Variants in THBS4 observed in about 807,000 individuals in gnomAD.
The protein encoded by THBS4 is thrombospondin 4, also known as thrombospondin-4.
In THBS4, 90 loss-of-function variants were observed where a neutral mutation model predicts 115.7. The observed-to-expected ratio is 0.78, with a 90% CI of 0.66 to 0.93. The LOEUF (loss-of-function observed/expected upper bound fraction) is 0.93, where lower values mean the gene tolerates loss of function less well. THBS4 is among the 40% of genes least tolerant of loss of function. THBS4 has a pLI of 0.00. For missense variants in THBS4, 1,087 were observed against 1,232.7 expected (o/e 0.88, Z 1.77); for synonymous variants, 460 against 479.3 (o/e 0.96, Z 0.53).
intron 4 of THBS4, 140 bp from the exon 5 acceptor site, chr5:80,058,568 A>C: frequency 1.3e-6 from 1 of 758,404 alleles, no homozygotes; most frequent in Non-Finnish European, 2.3e-6. Flanking sequence ...AATTAAAGAA[A>C]TTACCCCAAA....
upstream of THBS4, among the ~76,000 whole-genome samples, chr5:80,032,484 G>A (rs1832604942): frequency 6.6e-6 from 1 of 152,172 alleles, no homozygotes; most frequent in South Asian, 2.1e-4. Flanking sequence ...ATCACAAGAT[G>A]AAGTCCCACA....
intron 2 of THBS4, among the ~76,000 whole-genome samples, chr5:80,053,406 CT>C (rs5869016): frequency 0.55 from 79,071 of 144,546 alleles, 21,428 homozygotes; most frequent in African/African-American, 0.63. Context: ...CTTGGTGCTG[CT>C]TTTTTTTTTT....
At chr5:80,027,153 C>G (rs1486419115) in intron 2 of THBS4, among the ~76,000 whole-genome samples, 5 of 152,176 alleles carry the variant, frequency 3.3e-5, no homozygotes, top group African/African-American at 1.2e-4. Context: ...CTGAAGAAAA[C>G]AGATTGTTAC....
intron 2 of THBS4, among the ~76,000 whole-genome samples, chr5:80,018,224 A>G (rs1832287793): frequency 6.6e-6 from 1 of 151,550 alleles, no homozygotes. Context: ...TTTTTCTCTT[A>G]TTATATTTTG....
At chr5:80,068,455 C>G (rs756296784) in intron 10 of THBS4, 20 of 277,162 alleles carry the variant, frequency 7.2e-5, no homozygotes, top group Admixed American at 1.5e-4. Flanking sequence ...GGTGAAGGAA[C>G]ATTCTTCTCC....
intron 2 of THBS4, among the ~76,000 whole-genome samples, chr5:80,010,995 C>T (rs914154870): frequency 2.6e-5 from 4 of 152,168 alleles, no homozygotes; most frequent in Admixed American, 6.5e-5. Flanking sequence ...GGCTGTGTCC[C>T]CACCCCAATC....
chr5:80,015,462 T>C (rs748242374), intron 2 of THBS4, among the ~76,000 whole-genome samples: 9 of 152,180 alleles, frequency 5.9e-5, no homozygotes, highest in Non-Finnish European at 1.3e-4. Flanking sequence ...CTGTCTCACC[T>C]TTGAGGGCAG....
In THBS4 at chr5:80,055,994, G is replaced by A. The variant is rs780799770; in HGVS notation, c.502G>A (p.Glu168Lys). 1 of 1,613,476 alleles carries A rather than the reference G, an allele frequency of 6.2e-7. No individual in the cohort carries two copies. The highest frequency in any genetic ancestry group is 8.5e-7 in the Non-Finnish European group (1 of 1,179,546). ...CTTTGCTGGCCCCTCCCAGAAACCT[G>A]AGACCATTGAATTGAGGACTTTCCA... ...RAFAGPSQKP[E>K]TIELRTFQRK... The change falls in exon 3 of 22, where the codon GAG (glutamate) becomes AAG (lysine). Residue 168 changes from glutamate to lysine, a missense_variant. By Grantham distance (56) the Glu-to-Lys change is moderately conservative. Transcript: ENST00000350881.
At chr5:80,016,284 C>T (rs1276402808) in intron 2 of THBS4, among the ~76,000 whole-genome samples, 1 of 152,224 alleles carries the variant, frequency 6.6e-6, no homozygotes, top group Non-Finnish European at 1.5e-5. Context: ...ATGTGCTCAG[C>T]TGGCAAAGGG....
chr5:80,024,559 T>C (rs751918959), intron 2 of THBS4, among the ~76,000 whole-genome samples: 2 of 152,284 alleles, frequency 1.3e-5, no homozygotes, highest in South Asian at 4.2e-4. Flanking sequence ...AGTAAGTGGC[T>C]GGGCCAGGTT....
Position 80,060,001 on chromosome 5 carries a change from T to G in THBS4, c.987+96T>G, listed in dbSNP as rs190888215. The stretch of plus-strand genomic sequence containing the variant: ...GCCAAGCTGATGATTAAGGGCTGAC[T>G]TGGGCTGTCCTCCAGGCTCCATTGA... On this transcript the variant is annotated intron_variant, in intron 7 of 21. Coordinates refer to ENST00000350881, the MANE Select transcript of THBS4 (RefSeq NM_003248.6). 3.8e-5 allele frequency: 47 copies of G among 1,247,010 alleles called. No homozygotes were observed. The Admixed American group carries it at 4.3e-4, about 11-fold the overall frequency. 77.2% of individuals were successfully genotyped at this position (1,247,010 alleles called of 1,614,324 possible).
intron 17 of THBS4, among the ~76,000 whole-genome samples, chr5:80,078,602 T>C (rs1743335667): frequency 6.6e-6 from 1 of 152,188 alleles, no homozygotes; most frequent in South Asian, 2.1e-4. Flanking sequence ...CTTAGTAGAT[T>C]TTCCAGAGTC....
chr5:80,081,016 TG>T (rs1743479309), intron 20 of THBS4, among the ~76,000 whole-genome samples: 2 of 152,210 alleles, frequency 1.3e-5, no homozygotes, highest in Non-Finnish European at 2.9e-5. Flanking sequence ...TTTTTGTTGT[TG>T]TTTTTTAAGT....
chr5:80,068,056 C>T lies in THBS4; in HGVS notation c.1278C>T (p.Asn426=), dbSNP rs1210787057. 3 of 1,614,064 alleles carry T rather than the reference C, an allele frequency of 1.9e-6. No individual in the cohort carries two copies. The highest frequency in any genetic ancestry group is 2.5e-6 in the Non-Finnish European group (3 of 1,180,042). The change falls in exon 10 of 22, where the codon AAC becomes AAT. Residue 426 remains asparagine (N), a synonymous_variant. Transcript: ENST00000350881. ...GCAAAGCGGAAAGAAACTGCAGAAACCCAGAGCTGAACCCTTGCAGTGTGA... is the reference window on the plus strand; with the variant it reads ...GCAAAGCGGAAAGAAACTGCAGAAATCCAGAGCTGAACCCTTGCAGTGTGA... ...RGCKAERNCR[N]PELNPCSVNA... is the part of the protein sequence containing the mutation.
intron 2 of THBS4, among the ~76,000 whole-genome samples, chr5:80,001,889 C>T (rs1384453173): frequency 6.6e-6 from 1 of 152,110 alleles, no homozygotes; most frequent in Non-Finnish European, 1.5e-5. Context: ...TGTTTGTCTC[C>T]AAAGCCATGA....
chr5:80,070,981 A>T (rs1250510917), intron 12 of THBS4, 40 bp from the exon 13 acceptor site: 10 of 1,604,958 alleles, frequency 6.2e-6, no homozygotes, highest in Non-Finnish European at 7.6e-6. Flanking sequence ...AAGTGGATTT[A>T]GTAAAAGTCT....
chr5:80,016,199 T>C (rs1467590188), intron 2 of THBS4, among the ~76,000 whole-genome samples: 1 of 152,202 alleles, frequency 6.6e-6, no homozygotes, highest in African/African-American at 2.4e-5. Flanking sequence ...CGTGTTGATG[T>C]CTTTAATCAA....
chr5:80,001,353 A>G (rs780096334), intron 2 of THBS4, among the ~76,000 whole-genome samples: 39 of 152,244 alleles, frequency 2.6e-4, no homozygotes, highest in Admixed American at 2.6e-4. Flanking sequence ...GGATAGTATT[A>G]TACTCGTTTT....
In THBS4 at chr5:80,079,056, C is replaced by T. The variant is rs777057227; in HGVS notation, c.2315-6C>T. ...CTATTGTTCTAATCTTATCTGGTCC[C>T]TACAGGGTACACAGCTTTTAATGGA... On this transcript the variant is annotated splice_polypyrimidine_tract_variant and splice_region_variant and intron_variant, in intron 18 of 21. Coordinates refer to ENST00000350881, the MANE Select transcript of THBS4 (RefSeq NM_003248.6). 2.5e-6 allele frequency: 4 copies of T among 1,613,018 alleles called. No homozygotes were observed. The highest frequency in any genetic ancestry group is 3.4e-6 in the Non-Finnish European group (4 of 1,179,232).
Sources: allele counts gnomAD v4.1 joint callset (sites outside exome capture counted in the v4.1 genomes callset), GRCh38; gene constraint gnomAD v4.1.1; transcripts MANE v1.5; gene names NCBI Gene and HGNC (gene_info 2026-07-23, HGNC 2026-07-21).